EPB41L2: variants seen among roughly 807,000 people sequenced by gnomAD.
EPB41L2 encodes erythrocyte membrane protein band 4.1 like 2, also known as band 4.1-like protein 2.
EPB41L2 carries 43 observed loss-of-function variants against 113.0 expected under a neutral mutation model. The observed-to-expected ratio is 0.38, with a 90% CI of 0.30 to 0.49. The LOEUF (loss-of-function observed/expected upper bound fraction) is 0.49. Among genes scored for constraint, EPB41L2 ranks in the 20% least tolerant of loss-of-function variants. EPB41L2 has a pLI of 0.95. For missense variants in EPB41L2, 1,147 were observed against 1,223.4 expected, an observed-to-expected ratio of 0.94 and a Z score of 0.93; for synonymous variants, 442 against 436.7, an observed-to-expected ratio of 1.01 and a Z score of -0.15.
At chr6:130,894,076 G>T (rs1235564966) in intron 10 of EPB41L2, among the ~76,000 whole-genome samples, 2 of 152,126 alleles carry the variant, frequency 1.3e-5, no homozygotes, top group African/African-American at 4.8e-5. Context: ...GAGGCAAGGA[G>T]GGGAGAAAAG....
At chr6:130,994,463 G>A (rs1782600971) in intron 1 of EPB41L2, among the ~76,000 whole-genome samples, 1 of 152,198 alleles carries the variant, frequency 6.6e-6, no homozygotes, top group Non-Finnish European at 1.5e-5. Flanking sequence ...ACATAGGCTA[G>A]ATAGAAATGG....
chr6:130,957,391 G>A (rs927348306), intron 1 of EPB41L2, among the ~76,000 whole-genome samples: 7 of 152,216 alleles, frequency 4.6e-5, no homozygotes, highest in African/African-American at 7.2e-5. Context: ...AACAACAGGC[G>A]GGGCCTGCGG....
At chr6:130,933,580 C>T (rs1807684685) in intron 3 of EPB41L2, among the ~76,000 whole-genome samples, 1 of 151,522 alleles carries the variant, frequency 6.6e-6, no homozygotes, top group African/African-American at 2.4e-5. Context: ...TATAGATACC[C>T]ACAAAAGAGA....
intron 16 of EPB41L2, 117 bp downstream of exon 16, chr6:130,867,342 A>G: frequency 2.3e-6 from 3 of 1,295,896 alleles, no homozygotes; most frequent in Non-Finnish European, 3.2e-6. Flanking sequence ...TACAAAGTGC[A>G]GATACAAAAA....
chr6:131,002,947 A>C (rs1394253811), intron 1 of EPB41L2, among the ~76,000 whole-genome samples: 2 of 152,244 alleles, frequency 1.3e-5, no homozygotes, highest in Non-Finnish European at 2.9e-5. Flanking sequence ...ATAAAGTAAA[A>C]CAGGCAGAAT....
intron 1 of EPB41L2, among the ~76,000 whole-genome samples, chr6:131,010,734 T>A (rs1315352898): frequency 2.0e-5 from 3 of 152,118 alleles, no homozygotes; most frequent in East Asian, 1.9e-4. Context: ...ATCAATTTTT[T>A]AAAAACATCA....
In EPB41L2 at chr6:130,939,488, C is replaced by G. The variant is rs532366155; in HGVS notation, c.706-12779G>C. On this transcript the variant is annotated intron_variant, in intron 3 of 19. Transcript: ENST00000337057. ...CAGGCTGGTCTCAAACTCCTGACCT[C>G]GTGATCCGCCCACCTCGGCCTCCCA... Among the ~76,000 whole-genome samples the G allele has an allele frequency of 3.9e-5, 6 of 152,012 alleles. No individual in the cohort carries two copies. In the East Asian group the frequency reaches 9.7e-4, roughly 25 times the overall value.
At chr6:131,018,159 T>C (rs1025142629) in intron 1 of EPB41L2, among the ~76,000 whole-genome samples, 1 of 152,124 alleles carries the variant, frequency 6.6e-6, no homozygotes, top group Non-Finnish European at 1.5e-5. Context: ...GTCAAGGATG[T>C]CATCAAGAAA....
At chr6:131,025,846 T>C (rs1451779144) in intron 1 of EPB41L2, among the ~76,000 whole-genome samples, 3 of 152,172 alleles carry the variant, frequency 2.0e-5, no homozygotes, top group African/African-American at 7.2e-5. Context: ...CCAGCAATCT[T>C]GGTCCACTTC....
At position 130,908,877 on chromosome 6, in the gene EPB41L2, A is replaced by G. The variant is rs778442426; in HGVS notation, c.811-14T>C. On this transcript the variant is annotated splice_polypyrimidine_tract_variant and intron_variant, in intron 4 of 19. Coordinates refer to ENST00000337057, the MANE Select transcript of EPB41L2 (RefSeq NM_001431.4). Reference sequence around the variant, plus strand: ...ATCTAACCAGTTCTGCATGAGGGAAAAAAATTAATTCATAAGAAATATTCT... The same window carrying G: ...ATCTAACCAGTTCTGCATGAGGGAAGAAAATTAATTCATAAGAAATATTCT... 3 of 1,588,400 alleles carry G rather than the reference A, an allele frequency of 1.9e-6. No homozygotes were observed. The highest frequency in any genetic ancestry group is 2.2e-5 in the East Asian group (1 of 44,628).
At chr6:130,894,490 T>A in intron 9 of EPB41L2, 49 bp from the exon 10 acceptor site, 2 of 1,523,706 alleles carry the variant, frequency 1.3e-6, no homozygotes, top group Non-Finnish European at 1.8e-6. Context: ...AAGAACTGAC[T>A]AGAAGTTACT....
chr6:130,904,596 T>C (rs1797200914), intron 5 of EPB41L2, 56 bp from the exon 6 acceptor site: 6 of 1,224,360 alleles, frequency 4.9e-6, no homozygotes, highest in Admixed American at 1.9e-5. Context: ...ATGACTATTG[T>C]GATAAAATTT....
intron 1 of EPB41L2, among the ~76,000 whole-genome samples, chr6:130,977,391 A>C (rs6922045): frequency 0.5 from 76,266 of 151,924 alleles, 21,879 homozygotes; most frequent in East Asian, 0.94. Context: ...TCTCACCAGG[A>C]TAGATGTCAG....
At chr6:130,919,259 G>T (rs2128535853) in intron 4 of EPB41L2, among the ~76,000 whole-genome samples, 1 of 152,198 alleles carries the variant, frequency 6.6e-6, no homozygotes, top group East Asian at 1.9e-4. Flanking sequence ...AAGGAATTAT[G>T]AATTCCTTAT....
intron 19 of EPB41L2, among the ~76,000 whole-genome samples, chr6:130,851,958 G>A (rs1208975221): frequency 6.6e-6 from 1 of 152,068 alleles, no homozygotes; most frequent in Non-Finnish European, 1.5e-5. Context: ...ATTCATTCAG[G>A]GGACTCACAA....
chr6:131,047,323 G>C (rs1476783079), intron 1 of EPB41L2, among the ~76,000 whole-genome samples: 2 of 151,880 alleles, frequency 1.3e-5, no homozygotes. Context: ...CTCCGGCCCA[G>C]ACAACACAGC....
chr6:131,034,372 C>T (rs192265391), intron 1 of EPB41L2, among the ~76,000 whole-genome samples: 35 of 152,212 alleles, frequency 2.3e-4, no homozygotes, highest in East Asian at 3.9e-4. Context: ...ATTTGGGAAG[C>T]CAAGGCAAGC....
chr6:131,028,620 T>A (rs2128748192), intron 1 of EPB41L2, among the ~76,000 whole-genome samples: 1 of 152,280 alleles, frequency 6.6e-6, no homozygotes, highest in African/African-American at 2.4e-5. Context: ...TTTGTTCCCA[T>A]CATCACAAGA....
At chr6:131,059,171 G>A (rs1323215531) in intron 1 of EPB41L2, among the ~76,000 whole-genome samples, 1 of 142,184 alleles carries the variant, frequency 7.0e-6, no homozygotes, top group Non-Finnish European at 1.5e-5. Flanking sequence ...CTGGCGTGCA[G>A]TGGCGCAATC....
Sources: gnomAD v4.1 joint callset for allele counts (sites outside exome capture counted in the v4.1 genomes callset) on GRCh38, gnomAD v4.1.1 for gene constraint, MANE v1.5 for transcripts, NCBI Gene and HGNC (gene_info 2026-07-23, HGNC 2026-07-21) for gene names.